Variants in GALNTL6 observed in about 807,000 individuals in gnomAD.
The protein encoded by GALNTL6 is polypeptide N-acetylgalactosaminyltransferase like 6, also known as polypeptide N-acetylgalactosaminyltransferase-like 6.
A neutral mutation model predicts 73.7 loss-of-function variants in GALNTL6; 46 were observed. That is an observed-to-expected ratio of 0.62 (90% CI 0.49 to 0.80). GALNTL6 has a LOEUF of 0.80. Among genes scored for constraint, GALNTL6 ranks in the 30% least tolerant of loss-of-function variants. The probability of loss-of-function intolerance (pLI) is 0.00; values close to 1 mark genes in which losing one functional copy is unlikely to be tolerated. For synonymous variants in GALNTL6, 259 were observed against 263.7 expected, an observed-to-expected ratio of 0.98 and a Z score of 0.17; for missense variants, 604 against 755.0, an observed-to-expected ratio of 0.80 and a Z score of 2.34.
At chr4:171,883,710 C>G (rs925884999) in intron 2 of GALNTL6, among the ~76,000 whole-genome samples, 1 of 151,474 alleles carries the variant, frequency 6.6e-6, no homozygotes, top group Admixed American at 6.6e-5. Context: ...TGCAGTGGCG[C>G]TATCTCAGCT....
At chr4:172,897,542 G>GT (rs1746395002) in intron 8 of GALNTL6, among the ~76,000 whole-genome samples, 1 of 152,190 alleles carries the variant, frequency 6.6e-6, no homozygotes, top group South Asian at 2.1e-4. Flanking sequence ...TTGGCAGATG[G>GT]TTTTTTATTA....
intron 8 of GALNTL6, among the ~76,000 whole-genome samples, chr4:172,903,860 C>G (rs1012561761): frequency 3.9e-5 from 6 of 151,990 alleles, no homozygotes; most frequent in African/African-American, 1.5e-4. Context: ...ATTTTAGATC[C>G]AGGGGTGCAT....
At chr4:173,026,434 G>A (rs758553173) in intron 12 of GALNTL6, among the ~76,000 whole-genome samples, 2 of 152,146 alleles carry the variant, frequency 1.3e-5, no homozygotes, top group Non-Finnish European at 2.9e-5. Flanking sequence ...CTTACAGACA[G>A]AACCATTCTT....
chr4:171,866,477 A>T (rs1735974388), intron 2 of GALNTL6, among the ~76,000 whole-genome samples: 1 of 152,124 alleles, frequency 6.6e-6, no homozygotes, highest in Admixed American at 6.6e-5. Context: ...TCTCATAGGA[A>T]AGTTTCTTTT....
chr4:172,257,434 C>A (rs1365576780), intron 3 of GALNTL6, among the ~76,000 whole-genome samples: 1 of 151,352 alleles, frequency 6.6e-6, no homozygotes, highest in Non-Finnish European at 1.5e-5. Flanking sequence ...TTTAGTCGGC[C>A]AGGAATTGAT....
At chr4:172,076,799 TA>T (rs1449674501) in intron 2 of GALNTL6, among the ~76,000 whole-genome samples, 1 of 152,226 alleles carries the variant, frequency 6.6e-6, no homozygotes, top group Non-Finnish European at 1.5e-5. Flanking sequence ...TTACTTATGA[TA>T]TTTTTGAGGG....
chr4:172,054,605 T>C (rs1034843276), intron 2 of GALNTL6, among the ~76,000 whole-genome samples: 1 of 152,176 alleles, frequency 6.6e-6, no homozygotes, highest in Non-Finnish European at 1.5e-5. Flanking sequence ...AGGGTATTAA[T>C]CTTGTTCACA....
At chr4:171,988,875 T>C (rs555089370) in intron 2 of GALNTL6, among the ~76,000 whole-genome samples, 130 of 152,028 alleles carry the variant, frequency 8.6e-4, no homozygotes, top group Middle Eastern at 6.8e-3. Flanking sequence ...TACTTGTGGC[T>C]TAAGGTGGGG....
chr4:171,913,810 A>C (rs1240454677), intron 2 of GALNTL6, among the ~76,000 whole-genome samples: 1 of 151,942 alleles, frequency 6.6e-6, no homozygotes. Flanking sequence ...ACTACATATT[A>C]TGTTTGAAAA....
chr4:171,938,995 T>C (rs922981763), intron 2 of GALNTL6, among the ~76,000 whole-genome samples: 6 of 151,960 alleles, frequency 3.9e-5, no homozygotes, highest in Non-Finnish European at 8.8e-5. Flanking sequence ...TATTTCACAA[T>C]AGTAGGTGGT....
chr4:172,507,091 G>C (rs1734394408), intron 5 of GALNTL6, among the ~76,000 whole-genome samples: 1 of 54,902 alleles, frequency 1.8e-5, no homozygotes, highest in Non-Finnish European at 4.2e-5. Context: ...ACAAACTAAG[G>C]GGGAAAAAAC....
chr4:171,886,343 G>T (rs1051327440), intron 2 of GALNTL6, among the ~76,000 whole-genome samples: 1 of 151,984 alleles, frequency 6.6e-6, no homozygotes, highest in African/African-American at 2.4e-5. Context: ...TGACAAAAGA[G>T]CTAATTTATT....
Position 171,814,703 on chromosome 4 carries a change from G to C in GALNTL6, c.123G>C (p.Glu41Asp). 6.2e-7 allele frequency: 1 copy of C among 1,613,998 alleles called. No individual in the cohort carries two copies. The highest frequency in any genetic ancestry group is 8.5e-7 in the Non-Finnish European group (1 of 1,180,032). ...ATAAGCACCTGGTGAAGTCAGCGGAGCCCGGGGAGCAGCAGGTAAGTGCCA... is the reference window on the plus strand; with the variant it reads ...ATAAGCACCTGGTGAAGTCAGCGGACCCCGGGGAGCAGCAGGTAAGTGCCA... ...YKDKHLVKSA[E>D]PGEQQTFPLG... is the part of the protein sequence containing the mutation. The change falls in exon 2 of 13, where the codon GAG (glutamate) becomes GAC (aspartate). Residue 41 changes from glutamate (E) to aspartate (D), a missense_variant. By Grantham distance (45) the Glu-to-Asp change is conservative. This residue lies in a region of GALNTL6 where 141 missense variants were observed against 156.6 expected (regional missense o/e 0.90). Coordinates refer to ENST00000506823, the MANE Select transcript of GALNTL6 (RefSeq NM_001034845.3).
intron 5 of GALNTL6, among the ~76,000 whole-genome samples, chr4:172,648,958 A>C (rs1193232396): frequency 6.6e-6 from 1 of 152,102 alleles, no homozygotes; most frequent in African/African-American, 2.4e-5. Context: ...TGACAACTAC[A>C]CTTAGTTCAG....
intron 10 of GALNTL6, among the ~76,000 whole-genome samples, chr4:172,955,080 T>C (rs1749647671): frequency 6.6e-6 from 1 of 152,208 alleles, no homozygotes; most frequent in Admixed American, 6.5e-5. Flanking sequence ...GTGAAACATG[T>C]ACATTTAATG....
intron 2 of GALNTL6, among the ~76,000 whole-genome samples, chr4:172,018,025 C>G (rs1324952423): frequency 6.6e-6 from 1 of 152,116 alleles, no homozygotes; most frequent in Non-Finnish European, 1.5e-5. Context: ...GTCATGTGAA[C>G]AGATTTGGGA....
At chr4:171,864,212 A>C (rs78573382) in intron 2 of GALNTL6, among the ~76,000 whole-genome samples, 5,858 of 152,310 alleles carry the variant, frequency 0.038, 165 homozygotes, top group Non-Finnish European at 0.064. Flanking sequence ...TAAAGGAAAT[A>C]ATTATCTATA....
chr4:172,385,019 TG>T (rs752303149), intron 5 of GALNTL6, among the ~76,000 whole-genome samples: 17 of 139,902 alleles, frequency 1.2e-4, no homozygotes, highest in Non-Finnish European at 2.6e-4. Flanking sequence ...GTTGTTGTTT[TG>T]TTTTTTTGTT....
At chr4:172,705,933 A>G (rs1249561062) in intron 5 of GALNTL6, among the ~76,000 whole-genome samples, 2 of 152,130 alleles carry the variant, frequency 1.3e-5, no homozygotes, top group East Asian at 1.9e-4. Flanking sequence ...TTTGGTTATT[A>G]TATGCCTTGG....
Sources: allele counts gnomAD v4.1 joint callset (sites outside exome capture counted in the v4.1 genomes callset), GRCh38; gene constraint gnomAD v4.1.1; regional missense constraint gnomAD v4.1.1; transcripts MANE v1.5; gene names NCBI Gene and HGNC (gene_info 2026-07-23, HGNC 2026-07-21).